The following CCBE1 variants were observed in gnomAD, a reference collection of about 807,000 sequenced individuals.
CCBE1 encodes collagen and calcium binding EGF domains 1.
CCBE1 carries 37 observed loss-of-function variants against 50.0 expected under a neutral mutation model. The ratio of observed to expected loss-of-function variants is 0.74; its 90% CI spans 0.57 to 0.97. The LOEUF (loss-of-function observed/expected upper bound fraction) is 0.97. Among genes scored for constraint, CCBE1 ranks in the 50% least tolerant of loss-of-function variants. The pLI, the probability that CCBE1 is intolerant of heterozygous loss-of-function variation, is 0.00. For synonymous variants in CCBE1, 234 were observed against 203.7 expected (o/e 1.15, Z -1.27); for missense variants, 538 against 523.8 (o/e 1.03, Z -0.26).
intron 2 of CCBE1, among the ~76,000 whole-genome samples, chr18:59,546,527 A>G (rs923215803): frequency 2.0e-5 from 3 of 152,262 alleles, no homozygotes; most frequent in African/African-American, 4.8e-5. Context: ...CCCTGCAGGA[A>G]AGGCCATATG....
intron 2 of CCBE1, among the ~76,000 whole-genome samples, chr18:59,543,236 G>C (rs568850503): frequency 3.5e-4 from 54 of 152,268 alleles, no homozygotes; most frequent in Non-Finnish European, 6.9e-4. Flanking sequence ...ACTTAATGTA[G>C]GTGATCCCCG....
intron 2 of CCBE1, among the ~76,000 whole-genome samples, chr18:59,574,471 G>A (rs1196943428): frequency 6.6e-6 from 1 of 152,150 alleles, no homozygotes; most frequent in East Asian, 1.9e-4. Context: ...AAATTATATT[G>A]GCCTAACATG....
chr18:59,518,074 A>T (rs983705906), intron 2 of CCBE1, among the ~76,000 whole-genome samples: 2 of 81,214 alleles, frequency 2.5e-5, no homozygotes, highest in African/African-American at 2.0e-4. Flanking sequence ...AGAAAGAAGG[A>T]GATGATACAT....
intron 2 of CCBE1, among the ~76,000 whole-genome samples, chr18:59,676,939 A>G (rs1453528230): frequency 6.6e-6 from 1 of 152,182 alleles, no homozygotes. Context: ...AAAGAAATGA[A>G]ACGACTGAGC....
chr18:59,662,133 T>C (rs1384669207), intron 2 of CCBE1, among the ~76,000 whole-genome samples: 2 of 152,190 alleles, frequency 1.3e-5, no homozygotes, highest in African/African-American at 4.8e-5. Flanking sequence ...GGGGGCCATT[T>C]TAAAACAGTG....
At chr18:59,458,893 G>A (rs1027604402) in intron 5 of CCBE1, among the ~76,000 whole-genome samples, 19 of 152,340 alleles carry the variant, frequency 1.2e-4, no homozygotes, top group Admixed American at 1.2e-3. Flanking sequence ...CTCCTCTGAC[G>A]CAGAAGTACA....
chr18:59,635,571 G>A (rs1404028983), intron 2 of CCBE1, among the ~76,000 whole-genome samples: 1 of 152,132 alleles, frequency 6.6e-6, no homozygotes, highest in Non-Finnish European at 1.5e-5. Context: ...AGAAAGGGAT[G>A]ATCAAAGCTA....
chr18:59,512,845 A>T (rs1046323587), intron 2 of CCBE1, among the ~76,000 whole-genome samples: 4 of 152,248 alleles, frequency 2.6e-5, no homozygotes, highest in Non-Finnish European at 5.9e-5. Flanking sequence ...ATGTGGGAAC[A>T]TCAGCACCCC....
intron 2 of CCBE1, among the ~76,000 whole-genome samples, chr18:59,507,371 G>A (rs34244210): frequency 0.022 from 3,296 of 152,224 alleles, 144 homozygotes; most frequent in East Asian, 0.2. Context: ...TGGCAAATAA[G>A]CTCTGAGCTG....
intron 2 of CCBE1, among the ~76,000 whole-genome samples, chr18:59,679,343 A>G (rs1302516984): frequency 2.0e-5 from 3 of 152,052 alleles, no homozygotes; most frequent in African/African-American, 7.2e-5. Context: ...TTATCCAAGG[A>G]AAAAAAATGT....
chr18:59,480,050 C>T lies in CCBE1; in HGVS notation c.265+136G>A, dbSNP rs142550932. On this transcript the variant is annotated intron_variant, in intron 3 of 10. Coordinates refer to ENST00000439986, the MANE Select transcript of CCBE1 (RefSeq NM_133459.4). Reference sequence around the variant, plus strand: ...AAATTGGCGTCAGAAAAATTTGATGCCAAAAAATATACACAGACAGATACA... The same window carrying T: ...AAATTGGCGTCAGAAAAATTTGATGTCAAAAAATATACACAGACAGATACA... 353 of 664,110 alleles carry T rather than the reference C, an allele frequency of 5.3e-4. No homozygotes were observed. In the African/African-American group the frequency reaches 6.1e-3, roughly 11 times the overall value. The allele number at this position is 664,110 out of a possible 1,614,324, so 41.1% of individuals were successfully genotyped here.
chr18:59,469,446 C>T (rs1245353299), intron 4 of CCBE1, 27 bp downstream of exon 4: 1 of 1,614,072 alleles, frequency 6.2e-7, no homozygotes, highest in East Asian at 2.2e-5. Context: ...TGTTCAGAAG[C>T]TGGAAACAAG....
chr18:59,604,469 C>T (rs2053470823), intron 2 of CCBE1, among the ~76,000 whole-genome samples: 1 of 152,132 alleles, frequency 6.6e-6, no homozygotes, highest in Non-Finnish European at 1.5e-5. Context: ...CTCAAACTGG[C>T]CCTCTCTATA....
At chr18:59,673,649 G>A (rs1440182991) in intron 2 of CCBE1, among the ~76,000 whole-genome samples, 1 of 152,186 alleles carries the variant, frequency 6.6e-6, no homozygotes, top group Non-Finnish European at 1.5e-5. Context: ...TTTTTAACAT[G>A]AAGCAGTGTT....
intron 2 of CCBE1, among the ~76,000 whole-genome samples, chr18:59,521,676 T>C (rs549252315): frequency 5.9e-5 from 9 of 152,338 alleles, no homozygotes; most frequent in South Asian, 4.1e-4. Context: ...GATATCGCCA[T>C]TGGCCTTTTC....
intron 2 of CCBE1, among the ~76,000 whole-genome samples, chr18:59,486,061 C>T (rs762347334): frequency 7.9e-5 from 12 of 152,236 alleles, no homozygotes; most frequent in Non-Finnish European, 1.2e-4. Flanking sequence ...GGATTGCTTG[C>T]GCCTTGCTCC....
rs1259046965 is a variant in CCBE1 at position 59,432,570 on chromosome 18, A to C, written c.*3338T>G. ...GCCTTATGATGTCCTATCTTTGAAA[A>C]ATATGATTTGGGCATAAAAAGTACA... is the stretch of plus-strand genomic sequence containing the variant. On this transcript the variant is annotated 3_prime_UTR_variant, in exon 11 of 11. Transcript: ENST00000439986. 6.6e-6 allele frequency: 1 copy of C among 152,232 alleles called. No individual in the cohort carries two copies. The highest frequency in any genetic ancestry group is 1.5e-5 in the Non-Finnish European group (1 of 68,030). The allele number at this position is 152,232 out of a possible 1,614,324, so 9.4% of individuals were successfully genotyped here. A position where few individuals can be genotyped will look rare whatever the true frequency, so the allele number is the denominator to read the frequency against.
intron 2 of CCBE1, among the ~76,000 whole-genome samples, chr18:59,542,190 T>C (rs1305319271): frequency 9.8e-6 from 1 of 102,058 alleles, no homozygotes; most frequent in African/African-American, 3.7e-5. Context: ...AAAAAAAAAA[T>C]TCCCTACAAT....
At chr18:59,556,789 C>T (rs564673818) in intron 2 of CCBE1, among the ~76,000 whole-genome samples, 2 of 152,144 alleles carry the variant, frequency 1.3e-5, no homozygotes, top group African/African-American at 4.8e-5. Context: ...AGAGGTATTC[C>T]GTACAAGTCA....
Sources: allele counts gnomAD v4.1 joint callset (sites outside exome capture counted in the v4.1 genomes callset), GRCh38; gene constraint gnomAD v4.1.1; transcripts MANE v1.5; gene names NCBI Gene and HGNC (gene_info 2026-07-23, HGNC 2026-07-21).